The following LIPA variants were observed in gnomAD, a reference collection of about 807,000 sequenced individuals.
LIPA encodes lipase A, lysosomal acid type, also known as lysosomal acid lipase/cholesteryl ester hydrolase.
A neutral mutation model predicts 40.6 loss-of-function variants in LIPA; 26 were observed. That is an observed-to-expected ratio of 0.64 (90% CI 0.47 to 0.89). The LOEUF is 0.89. Among genes scored for constraint, LIPA ranks in the 40% least tolerant of loss-of-function variants. LIPA has a pLI of 0.00. For missense variants in LIPA, 455 were observed against 479.6 expected (o/e 0.95, Z 0.48); for synonymous variants, 188 against 168.4 (o/e 1.12, Z -0.90).
At position 89,214,849 on chromosome 10, in the gene LIPA, A is replaced by C; in HGVS notation, c.1179T>G (p.Asn393Lys). ...GCTTTCACTGATATTTCCTCATTAG[A>C]TTAATAATTTTATTATAAAGCCTCC... is the stretch of plus-strand genomic sequence containing the variant. ...APWRLYNKII[N>K]LMRKYQ The change falls in exon 10 of 10, where the codon AAT becomes AAG. Residue 393 changes from asparagine to lysine, a missense_variant. Physicochemically the swap from Asn to Lys is moderately conservative, Grantham distance 94 (BLOSUM62 0). Coordinates refer to ENST00000336233, the MANE Select transcript of LIPA (RefSeq NM_000235.4). The C allele has an allele frequency of 6.2e-7, 1 of 1,601,892 alleles. No homozygotes were observed. Among genetic ancestry groups the C allele is most frequent in the East Asian group, 2.2e-5 (1 of 44,838 alleles).
chr10:89,230,809 A>C (rs1381712030), intron 3 of LIPA, among the ~76,000 whole-genome samples: 1 of 152,238 alleles, frequency 6.6e-6, no homozygotes, highest in Non-Finnish European at 1.5e-5. Flanking sequence ...ACACAGTAAG[A>C]GTTCACTATA....
chr10:89,382,664 T>C (rs1208535463), intron 2 of LIPA, among the ~76,000 whole-genome samples: 1 of 152,242 alleles, frequency 6.6e-6, no homozygotes, highest in Non-Finnish European at 1.5e-5. Context: ...TTCATGCCTC[T>C]TCTTCTGTCC....
intron 1 of LIPA, among the ~76,000 whole-genome samples, chr10:89,267,704 A>G (rs2133490595): frequency 6.7e-6 from 1 of 148,564 alleles, no homozygotes; most frequent in South Asian, 2.2e-4. Context: ...CAATGTGCAC[A>G]TGTACCCTAA....
chr10:89,272,797 C>T (rs996550604), intron 1 of LIPA, among the ~76,000 whole-genome samples: 9 of 152,174 alleles, frequency 5.9e-5, no homozygotes, highest in Non-Finnish European at 1.2e-4. Flanking sequence ...TTGTGACTGG[C>T]GTGAGATGAT....
intron 8 of LIPA, among the ~76,000 whole-genome samples, chr10:89,218,721 T>C (rs997241939): frequency 2.6e-5 from 4 of 152,170 alleles, no homozygotes; most frequent in Non-Finnish European, 4.4e-5. Flanking sequence ...ATGGCAGAGC[T>C]ATAGTATGGA....
At chr10:89,303,113 TTA>T (rs1843456291) in intron 1 of LIPA, among the ~76,000 whole-genome samples, 2 of 152,216 alleles carry the variant, frequency 1.3e-5, no homozygotes, top group Non-Finnish European at 2.9e-5. Flanking sequence ...TAGCATGGTC[TTA>T]TCTTAGAATT....
chr10:89,228,332 AGGT>A lies in LIPA; in HGVS notation c.293_295del (p.Asn98_Leu99delinsIle), dbSNP rs1266530895. 3 of 1,614,112 alleles carry A rather than the reference AGGT, an allele frequency of 1.9e-6. No individual in the cohort carries two copies. The African/African-American group carries it at 4.0e-5, about 22-fold the overall frequency. ...AATGAAGCCCAGGCTGCTGTTGGCA[AGGT>A]TTGTGACCCAGTTACTAGAATCTGC... On this transcript the variant is annotated inframe_deletion, in exon 4 of 10. Coordinates refer to ENST00000336233, the MANE Select transcript of LIPA (RefSeq NM_000235.4).
At chr10:89,288,264 C>A (rs1017459325) in intron 1 of LIPA, among the ~76,000 whole-genome samples, 3 of 152,128 alleles carry the variant, frequency 2.0e-5, no homozygotes, top group Non-Finnish European at 4.4e-5. Flanking sequence ...GTATTTCCAC[C>A]TTTGGATACC....
At position 89,339,754 on chromosome 10, in the gene LIPA, C is replaced by G. The variant is rs754776192; in HGVS notation, c.-2+2857G>C. ...ACAATCCCATCAGCGCTACTGCAAC[C>G]TTCAGAAATATAATGGGAAGTCTGA... On this transcript the variant is annotated intron_variant, in intron 1 of 5. Coordinates refer to the LIPA transcript ENST00000282673. 57 of 1,614,066 alleles carry G rather than the reference C, an allele frequency of 3.5e-5. No individual in the cohort carries two copies. Among genetic ancestry groups the G allele is most frequent in the Non-Finnish European group, 4.7e-5 (56 of 1,180,034 alleles).
rs114744233 is a variant in LIPA at position 89,219,642 on chromosome 10, C to A, written c.894+2869G>T. Among the ~76,000 whole-genome samples, 785 of 152,322 alleles carry A rather than the reference C, an allele frequency of 5.2e-3. 10 individuals carry two copies. The highest frequency in any genetic ancestry group is 0.025 in the South Asian group (119 of 4,826). On this transcript the variant is annotated intron_variant, in intron 8 of 9. Transcript: ENST00000336233. ...AGCCCTCTAATGCCACACCTGAATT[C>A]TAGCCCCAGCCTGCCCGGCATCCAG... is the stretch of plus-strand genomic sequence containing the variant.
intron 1 of LIPA, among the ~76,000 whole-genome samples, chr10:89,251,217 G>A (rs1056434894): frequency 6.6e-6 from 1 of 152,146 alleles, no homozygotes; most frequent in African/African-American, 2.4e-5. Context: ...CATTTTTCAG[G>A]AATCTGAGGT....
chr10:89,408,173 C>T (rs1340036900), intron 2 of LIPA, among the ~76,000 whole-genome samples: 1 of 152,142 alleles, frequency 6.6e-6, no homozygotes, highest in Non-Finnish European at 1.5e-5. Context: ...CCAATTTGAC[C>T]TGCAAACCCT....
At position 89,412,841 on chromosome 10, in the gene LIPA, A is replaced by G. The variant is rs960543840; in HGVS notation, c.11T>C (p.Leu4Pro). 6.7e-5 allele frequency: 25 copies of G among 372,464 alleles called. No homozygotes were observed. In the Admixed American group the frequency reaches 8.3e-4, roughly 12 times the overall value. 23.1% of individuals were successfully genotyped at this position (372,464 alleles called of 1,614,324 possible). A position where few individuals can be genotyped will look rare whatever the true frequency, so the allele number is the denominator to read the frequency against. ...CTGAACATCGAAAGGAACAAACTCC[A>G]GACACGCCATCTTTAACAACTGTAG... Residue 4 changes from leucine (L) to proline (P), a missense_variant, in exon 2 of 9, where the codon CTG (leucine) becomes CCG (proline). Leu to Pro is a moderately conservative substitution (Grantham distance 98). Transcript: ENST00000371837.
At chr10:89,254,300 C>T (rs1843170263), upstream of LIPA, among the ~76,000 whole-genome samples, 1 of 152,220 alleles carries the variant, frequency 6.6e-6, no homozygotes, top group Non-Finnish European at 1.5e-5. Flanking sequence ...GTTCCCAAAC[C>T]TCAATTCTTG....
intron 1 of LIPA, chr10:89,340,238 C>A: frequency 8.7e-7 from 1 of 1,153,872 alleles, no homozygotes; most frequent in Non-Finnish European, 1.2e-6. Flanking sequence ...GGAAGCTTTG[C>A]ATGTTGCTCT....
chr10:89,259,146 C>T lies in LIPA; in HGVS notation c.-1-11497G>A, dbSNP rs1284743456. 2.8e-4 allele frequency among the ~76,000 whole-genome samples: 43 copies of T among 152,122 alleles called. 1 individual carries two copies. Among genetic ancestry groups the T allele is most frequent in the Admixed American group, 2.8e-3 (43 of 15,272 alleles). ...CACAGCTCTGCAAATATACTGAATG[C>T]CATTGTTCCCTTTAAATGGTGAATT... On this transcript the variant is annotated intron_variant, in intron 1 of 5. Transcript: ENST00000282673.
intron 1 of LIPA, among the ~76,000 whole-genome samples, chr10:89,309,814 G>T (rs1420714111): frequency 2.0e-5 from 3 of 152,174 alleles, no homozygotes; most frequent in Non-Finnish European, 2.9e-5. Context: ...CACTATCCAA[G>T]AATAACAAAT....
chr10:89,268,508 A>C (rs1243102913), intron 1 of LIPA, among the ~76,000 whole-genome samples: 1 of 152,174 alleles, frequency 6.6e-6, no homozygotes, highest in African/African-American at 2.4e-5. Flanking sequence ...TTTGGTATGT[A>C]CTTTCAAACT....
At chr10:89,224,478 T>C (rs557046534) in intron 6 of LIPA, among the ~76,000 whole-genome samples, 135 of 152,330 alleles carry the variant, frequency 8.9e-4, no homozygotes, top group Non-Finnish European at 1.5e-3. Flanking sequence ...CAGGATTTCA[T>C]ATGTGTGTGT....
Sources: allele counts gnomAD v4.1 joint callset (sites outside exome capture counted in the v4.1 genomes callset), GRCh38; gene constraint gnomAD v4.1.1; transcripts MANE v1.5; gene names NCBI Gene and HGNC (gene_info 2026-07-23, HGNC 2026-07-21).